Variants in ADGRG6 observed in about 807,000 individuals in gnomAD.
ADGRG6 encodes G-protein coupled receptor 126.
A neutral mutation model predicts 142.4 loss-of-function variants in ADGRG6; 84 were observed. That is an observed-to-expected ratio of 0.59 (90% CI 0.49 to 0.71). The LOEUF is 0.71. Ranked by LOEUF, ADGRG6 falls within the 30% of genes least tolerant of loss-of-function variation. ADGRG6 has a pLI of 0.00. For synonymous variants in ADGRG6, 521 were observed against 520.5 expected (o/e 1.00, Z -0.01); for missense variants, 1,367 against 1,466.6 (o/e 0.93, Z 1.11).
chr6:142,312,948 C>T (rs546866641), intron 2 of ADGRG6, among the ~76,000 whole-genome samples: 2 of 152,132 alleles, frequency 1.3e-5, no homozygotes, highest in South Asian at 4.1e-4. Flanking sequence ...TATAATCAGG[C>T]ACTGTGGCTC....
intron 22 of ADGRG6, among the ~76,000 whole-genome samples, chr6:142,423,331 T>C (rs1309313269): frequency 2.0e-5 from 3 of 149,992 alleles, no homozygotes; most frequent in African/African-American, 4.9e-5. Context: ...CCATCTTGAA[T>C]TGATTTTTGT....
At chr6:142,424,153 A>T (rs1776815500) in intron 22 of ADGRG6, among the ~76,000 whole-genome samples, 1 of 121,986 alleles carries the variant, frequency 8.2e-6, no homozygotes, top group East Asian at 2.5e-4. Context: ...CTAATTGAAT[A>T]CCCTTTATTT....
intron 2 of ADGRG6, among the ~76,000 whole-genome samples, chr6:142,313,074 G>C (rs1444612095): frequency 2.0e-5 from 3 of 151,978 alleles, no homozygotes; most frequent in African/African-American, 4.8e-5. Context: ...GGAGAAACAG[G>C]AGGGATGACG....
Position 142,367,559 on chromosome 6 carries a change from T to C in ADGRG6, c.104-10T>C, listed in dbSNP as rs772891975. On this transcript the variant is annotated splice_polypyrimidine_tract_variant and intron_variant, in intron 2 of 24. Coordinates refer to ENST00000367609, the MANE Select transcript of ADGRG6 (RefSeq NM_198569.3). Reference sequence around the variant, plus strand: ...CCCTTCTCTCTGTCTCTCTTTTGTCTGGCCAGCAGTGTGGGGATGTGCCAA... The same window carrying C: ...CCCTTCTCTCTGTCTCTCTTTTGTCCGGCCAGCAGTGTGGGGATGTGCCAA... 1.2e-6 allele frequency: 2 copies of C among 1,606,666 alleles called. No homozygotes were observed. Among genetic ancestry groups the C allele is most frequent in the Admixed American group, 1.7e-5 (1 of 59,512 alleles).
At chr6:142,357,497 T>C (rs1018341637) in intron 2 of ADGRG6, among the ~76,000 whole-genome samples, 3 of 152,190 alleles carry the variant, frequency 2.0e-5, no homozygotes, top group Non-Finnish European at 4.4e-5. Flanking sequence ...TAAAAAGTGT[T>C]CCATAAAGGG....
intron 2 of ADGRG6, among the ~76,000 whole-genome samples, chr6:142,365,251 G>C (rs1562339958): frequency 6.6e-6 from 1 of 152,142 alleles, no homozygotes. Flanking sequence ...CCCACCCAAA[G>C]AGATGTTCCA....
intron 2 of ADGRG6, among the ~76,000 whole-genome samples, chr6:142,315,241 T>G (rs1435180917): frequency 1.3e-5 from 2 of 152,184 alleles, no homozygotes; most frequent in Non-Finnish European, 2.9e-5. Flanking sequence ...TTTTTAATTC[T>G]TTAAGGAGTT....
At chr6:142,406,178 C>T (rs918987226) in intron 15 of ADGRG6, among the ~76,000 whole-genome samples, 1 of 119,456 alleles carries the variant, frequency 8.4e-6, no homozygotes, top group East Asian at 2.4e-4. Flanking sequence ...AAATTGCACA[C>T]CAAAGGAAAG....
At chr6:142,443,081 A>C (rs996915588) in intron 24 of ADGRG6, among the ~76,000 whole-genome samples, 3 of 152,150 alleles carry the variant, frequency 2.0e-5, no homozygotes, top group Non-Finnish European at 4.4e-5. Context: ...GCTCTGCTAC[A>C]TTCAAGAATA....
intron 2 of ADGRG6, among the ~76,000 whole-genome samples, chr6:142,329,991 G>C (rs1442499658): frequency 6.6e-6 from 1 of 151,974 alleles, no homozygotes; most frequent in African/African-American, 2.4e-5. Flanking sequence ...CTTTATTTTA[G>C]TCTCTACTAG....
At chr6:142,364,365 G>A (rs1211420679) in intron 2 of ADGRG6, among the ~76,000 whole-genome samples, 1 of 152,086 alleles carries the variant, frequency 6.6e-6, no homozygotes, top group Non-Finnish European at 1.5e-5. Context: ...TGTATCAAAT[G>A]TTCTTCTGAA....
In ADGRG6 at chr6:142,446,200, C is replaced by T. The variant is rs966359582; in HGVS notation, c.*2685C>T. On this transcript the variant is annotated 3_prime_UTR_variant, in exon 25 of 25. Transcript: ENST00000367609. ...TAAGAAGCTACTCTAGCTAATTTGC[C>T]ATTTTACTTAAATGGAAAATGTTTT... is the stretch of plus-strand genomic sequence containing the variant. 1.3e-5 allele frequency: 2 copies of T among 152,558 alleles called. No homozygotes were observed. The highest frequency in any genetic ancestry group is 2.9e-5 in the Non-Finnish European group (2 of 68,020). The allele number at this position is 152,558 out of a possible 1,614,324, so 9.5% of individuals were successfully genotyped here. A position where few individuals can be genotyped will look rare whatever the true frequency, so the allele number is the denominator to read the frequency against.
At chr6:142,414,664 C>T (rs1272759878) in intron 18 of ADGRG6, among the ~76,000 whole-genome samples, 2 of 152,166 alleles carry the variant, frequency 1.3e-5, no homozygotes, top group Non-Finnish European at 2.9e-5. Flanking sequence ...CGTCTCCTCT[C>T]CAATTTCTGT....
intron 1 of ADGRG6, among the ~76,000 whole-genome samples, chr6:142,304,072 G>T (rs1488635610): frequency 4.6e-5 from 7 of 152,040 alleles, no homozygotes; most frequent in African/African-American, 1.7e-4. Flanking sequence ...CATATGGAGT[G>T]GTTTAGGATG....
intron 20 of ADGRG6, among the ~76,000 whole-genome samples, 193 bp downstream of exon 20, chr6:142,416,257 G>A (rs567162416): frequency 2.6e-5 from 4 of 152,220 alleles, no homozygotes; most frequent in Middle Eastern, 3.4e-3. Context: ...CTCATCAACA[G>A]CACTCACTAT....
chr6:142,308,438 T>G (rs1431482439), intron 1 of ADGRG6, among the ~76,000 whole-genome samples: 1 of 151,982 alleles, frequency 6.6e-6, no homozygotes, highest in Non-Finnish European at 1.5e-5. Flanking sequence ...TCCTTTGATG[T>G]CTAATTTTGC....
chr6:142,400,289 G>T (rs1330884089), intron 10 of ADGRG6, among the ~76,000 whole-genome samples, 196 bp from the exon 11 acceptor site: 1 of 151,534 alleles, frequency 6.6e-6, no homozygotes. Flanking sequence ...GATTTGAAGT[G>T]TATTAAATGT....
At chr6:142,376,239 A>G (rs939520647) in intron 4 of ADGRG6, among the ~76,000 whole-genome samples, 6 of 152,152 alleles carry the variant, frequency 3.9e-5, no homozygotes, top group Non-Finnish European at 7.4e-5. Flanking sequence ...ATGTCCGTCA[A>G]TTTTCACAAA....
chr6:142,392,871 T>C (rs549185022), intron 7 of ADGRG6, 77 bp from the exon 8 acceptor site: 3 of 951,764 alleles, frequency 3.2e-6, no homozygotes, highest in African/African-American at 1.6e-5. Context: ...TAACAACTTA[T>C]GTTTTAGGTA....
Sources: gnomAD v4.1 joint callset for allele counts (sites outside exome capture counted in the v4.1 genomes callset) on GRCh38, gnomAD v4.1.1 for gene constraint, MANE v1.5 for transcripts, NCBI Gene and HGNC (gene_info 2026-07-23, HGNC 2026-07-21) for gene names.